Variants in ADAMTSL1 observed in about 807,000 individuals in gnomAD.
The protein encoded by ADAMTSL1 is ADAMTS-like protein 1.
ADAMTSL1 carries 126 observed loss-of-function variants against 201.8 expected under a neutral mutation model. The ratio of observed to expected loss-of-function variants is 0.62; its 90% CI spans 0.54 to 0.72. The LOEUF (loss-of-function observed/expected upper bound fraction) is 0.72, where lower values mean the gene tolerates loss of function less well. ADAMTSL1 is among the 30% of genes least tolerant of loss of function. The pLI is 0.00. For missense variants in ADAMTSL1, 2,679 were observed against 2,277.8 expected (o/e 1.18, Z -3.59); for synonymous variants, 1,121 against 903.4 (o/e 1.24, Z -4.32).
intron 1 of ADAMTSL1, among the ~76,000 whole-genome samples, chr9:18,113,193 C>T (rs1825105652): frequency 6.6e-6 from 1 of 152,056 alleles, no homozygotes. Context: ...AGATGAAGGA[C>T]AATGAGTAAG....
At chr9:18,766,371 G>T (rs1292522645) in intron 16 of ADAMTSL1, among the ~76,000 whole-genome samples, 1 of 152,162 alleles carries the variant, frequency 6.6e-6, no homozygotes, top group Non-Finnish European at 1.5e-5. Context: ...GAAATTGTGT[G>T]ATCACATTTA....
At chr9:18,515,962 CA>C (rs1818340426) in intron 2 of ADAMTSL1, among the ~76,000 whole-genome samples, 1 of 151,838 alleles carries the variant, frequency 6.6e-6, no homozygotes, top group Non-Finnish European at 1.5e-5. Flanking sequence ...GTAGTTTATG[CA>C]AATTCTCTGA....
intron 9 of ADAMTSL1, among the ~76,000 whole-genome samples, chr9:18,665,316 T>G (rs925627728): frequency 6.6e-6 from 1 of 152,094 alleles, no homozygotes; most frequent in Non-Finnish European, 1.5e-5. Flanking sequence ...AGGTAAACAT[T>G]ATACATTTGA....
At position 18,782,464 on chromosome 9, in the gene ADAMTSL1, A is replaced by T. The variant is rs149910447; in HGVS notation, c.3677+4558A>T. Among the ~76,000 whole-genome samples the T allele has an allele frequency of 7.4e-4, 112 of 152,336 alleles. No homozygotes were observed. The Middle Eastern group carries it at 0.02, about 28-fold the overall frequency. ...TGTCTATCCTTTTAACTCTATTTAG[A>T]TAATTTTATTCTCTGATATGTTACA... is the stretch of plus-strand genomic sequence containing the variant. On this transcript the variant is annotated intron_variant, in intron 19 of 28. Transcript: ENST00000380548.
intron 8 of ADAMTSL1, among the ~76,000 whole-genome samples, chr9:18,661,150 A>G (rs1234477812): frequency 6.6e-6 from 1 of 152,162 alleles, no homozygotes; most frequent in Non-Finnish European, 1.5e-5. Flanking sequence ...GCAGGTAGGA[A>G]AGATAAAACA....
At chr9:18,251,831 T>G (rs980369456) in intron 2 of ADAMTSL1, among the ~76,000 whole-genome samples, 5 of 152,096 alleles carry the variant, frequency 3.3e-5, no homozygotes, top group Non-Finnish European at 7.4e-5. Flanking sequence ...TGTGAGAAAT[T>G]AAAAATTGAC....
At chr9:17,914,323 A>G (rs1327252302) in intron 1 of ADAMTSL1, among the ~76,000 whole-genome samples, 1 of 152,166 alleles carries the variant, frequency 6.6e-6, no homozygotes, top group African/African-American at 2.4e-5. Flanking sequence ...CTTATCCACC[A>G]TGATCAAGTG....
chr9:18,294,334 T>C (rs985785763), intron 2 of ADAMTSL1, among the ~76,000 whole-genome samples: 1 of 152,240 alleles, frequency 6.6e-6, no homozygotes, highest in African/African-American at 2.4e-5. Flanking sequence ...CTTCCTTGAA[T>C]TGCTTTTCCT....
intron 2 of ADAMTSL1, among the ~76,000 whole-genome samples, chr9:18,330,409 C>T (rs1309031756): frequency 6.6e-6 from 1 of 151,988 alleles, no homozygotes; most frequent in Non-Finnish European, 1.5e-5. Flanking sequence ...GACTGCCTTC[C>T]CAATCTGTAT....
intron 1 of ADAMTSL1, among the ~76,000 whole-genome samples, chr9:17,969,113 A>T (rs544234352): frequency 2.6e-4 from 39 of 152,190 alleles, no homozygotes; most frequent in African/African-American, 9.1e-4. Context: ...ATATGTGTAT[A>T]CATTGAGCCT....
chr9:18,268,201 A>G (rs1035498918), intron 2 of ADAMTSL1, among the ~76,000 whole-genome samples: 7 of 152,086 alleles, frequency 4.6e-5, no homozygotes, highest in African/African-American at 1.2e-4. Context: ...TGATATCTCT[A>G]TTTTGGCTTG....
chr9:18,124,219 A>G (rs1282189666), intron 1 of ADAMTSL1, among the ~76,000 whole-genome samples: 1 of 149,800 alleles, frequency 6.7e-6, no homozygotes, highest in African/African-American at 2.5e-5. Flanking sequence ...AGTAGCTGGG[A>G]TTACAGGTGT....
chr9:17,923,836 G>C lies in ADAMTSL1; in HGVS notation c.87+16914G>C, dbSNP rs1371197274. ...TTTATTGAGAGTTTTTAGCATGAAG[G>C]GTTGTTGAATTTTGTCAAAGGCTTT... On this transcript the variant is annotated intron_variant, in intron 1 of 29. Coordinates refer to the ADAMTSL1 transcript ENST00000680146. 9.9e-5 allele frequency among the ~76,000 whole-genome samples: 13 copies of C among 131,544 alleles called. No homozygotes were observed. In the East Asian group the frequency reaches 2.2e-3, roughly 23 times the overall value. 86.3% of individuals were successfully genotyped at this position (131,544 alleles called of 152,430 possible). A position where few individuals can be genotyped will look rare whatever the true frequency, so the allele number is the denominator to read the frequency against.
intron 2 of ADAMTSL1, among the ~76,000 whole-genome samples, chr9:18,421,229 T>C (rs1465935198): frequency 1.3e-5 from 2 of 152,202 alleles, no homozygotes; most frequent in Non-Finnish European, 2.9e-5. Context: ...AATAATCTAC[T>C]TCCATATAAA....
chr9:17,961,142 T>C (rs938048282), intron 1 of ADAMTSL1, among the ~76,000 whole-genome samples: 9 of 152,184 alleles, frequency 5.9e-5, no homozygotes, highest in African/African-American at 1.9e-4. Context: ...AGGTATATAC[T>C]TGGGCTCTAC....
intron 2 of ADAMTSL1, among the ~76,000 whole-genome samples, chr9:18,279,111 A>C (rs1241361192): frequency 6.6e-6 from 1 of 152,138 alleles, no homozygotes; most frequent in Non-Finnish European, 1.5e-5. Context: ...GTTCTCCTGT[A>C]GCTCACTGAG....
chr9:18,357,974 C>T (rs1337427294), intron 2 of ADAMTSL1, among the ~76,000 whole-genome samples: 8 of 152,106 alleles, frequency 5.3e-5, no homozygotes, highest in Non-Finnish European at 1.2e-4. Flanking sequence ...CAGTCTAAAG[C>T]TCCTTCTCAC....
chr9:17,983,726 GAC>G (rs2131473014), intron 1 of ADAMTSL1, among the ~76,000 whole-genome samples: 1 of 152,176 alleles, frequency 6.6e-6, no homozygotes, highest in South Asian at 2.1e-4. Context: ...TAACTTGAGA[GAC>G]ACAATATTTA....
At chr9:18,173,249 T>A (rs940404435) in intron 2 of ADAMTSL1, among the ~76,000 whole-genome samples, 3 of 152,088 alleles carry the variant, frequency 2.0e-5, no homozygotes, top group African/African-American at 7.2e-5. Context: ...GTGGTTGAAC[T>A]GGAAAATCAC....
Sources: allele counts gnomAD v4.1 joint callset (sites outside exome capture counted in the v4.1 genomes callset), GRCh38; gene constraint gnomAD v4.1.1; transcripts MANE v1.5; gene names NCBI Gene and HGNC (gene_info 2026-07-23, HGNC 2026-07-21).